ETS1: variants seen among roughly 807,000 people sequenced by gnomAD.
The protein encoded by ETS1 is ETS proto-oncogene 1, transcription factor.
A neutral mutation model predicts 58.6 loss-of-function variants in ETS1; 15 were observed. The ratio of observed to expected loss-of-function variants is 0.26; its 90% CI spans 0.17 to 0.39. The LOEUF is 0.39. ETS1 is among the 10% of genes least tolerant of loss of function. ETS1 has a pLI of 1.00. For synonymous variants in ETS1, 214 were observed against 218.2 expected, an observed-to-expected ratio of 0.98 and a Z score of 0.17; for missense variants, 417 against 610.5, an observed-to-expected ratio of 0.68 and a Z score of 3.34.
At chr11:128,560,653 G>C (rs904628052) in intron 2 of ETS1, among the ~76,000 whole-genome samples, 65 of 152,342 alleles carry the variant, frequency 4.3e-4, no homozygotes, top group African/African-American at 1.5e-3. Flanking sequence ...GGTGGTTACT[G>C]TTCCATAATA....
chr11:128,575,170 A>G (rs1243546676), intron 1 of ETS1, among the ~76,000 whole-genome samples: 2 of 152,206 alleles, frequency 1.3e-5, no homozygotes, highest in African/African-American at 4.8e-5. Flanking sequence ...CATACATACT[A>G]TGTGTTTTCC....
rs1861952865 is a variant in ETS1, at chr11:128,463,371, C to T, written c.1242+138G>A. The T allele has an allele frequency of 2.8e-5, 18 of 650,756 alleles. No homozygotes were observed. The South Asian group carries it at 2.9e-4, about 10-fold the overall frequency. The allele number at this position is 650,756 out of a possible 1,614,324, so 40.3% of individuals were successfully genotyped here. On this transcript the variant is annotated intron_variant, in intron 9 of 9. Transcript: ENST00000392668. The surrounding 1 kb of genome is among the most constrained non-coding windows in gnomAD (Gnocchi z 4.1). ...ATGAACCTGGAGCTCAGACAGGCTA[C>T]CTAGCTTGCTCCGGGTGGCAAGTGG... is the stretch of plus-strand genomic sequence containing the variant.
intron 3 of ETS1, among the ~76,000 whole-genome samples, chr11:128,530,994 T>A (rs1446418698): frequency 6.6e-6 from 1 of 152,150 alleles, no homozygotes; most frequent in Middle Eastern, 3.2e-3. Flanking sequence ...AACTGAGGTG[T>A]GGAGGTAAAA....
chr11:128,467,755 T>C (rs151121147), intron 8 of ETS1, among the ~76,000 whole-genome samples: 1 of 151,796 alleles, frequency 6.6e-6, no homozygotes, highest in Non-Finnish European at 1.5e-5. Flanking sequence ...TGCCCGGGAG[T>C]GTCACACATC....
rs983778622 is a variant in ETS1, at chr11:128,459,211, T to C, written c.*3150A>G. The C allele has an allele frequency of 1.3e-5, 2 of 150,920 alleles. No homozygotes were observed. The highest frequency in any genetic ancestry group is 4.9e-5 in the African/African-American group (2 of 41,228). 9.3% of individuals were successfully genotyped at this position (150,920 alleles called of 1,614,324 possible). A position where few individuals can be genotyped will look rare whatever the true frequency, so the allele number is the denominator to read the frequency against. On this transcript the variant is annotated 3_prime_UTR_variant, in exon 10 of 10. Transcript: ENST00000392668. ...TTTTAATATATATATTTTATATATGTATATGTATACATATATTTATGGTTC... is the reference window on the plus strand; with the variant it reads ...TTTTAATATATATATTTTATATATGCATATGTATACATATATTTATGGTTC...
At position 128,549,232 on chromosome 11, in the gene ETS1, G is replaced by C. The variant is rs1420252520; in HGVS notation, c.214+7059C>G. Among the ~76,000 whole-genome samples, 1 of 151,992 alleles carries C rather than the reference G, an allele frequency of 6.6e-6. No homozygotes were observed. The highest frequency in any genetic ancestry group is 2.4e-5 in the African/African-American group (1 of 41,324). On this transcript the variant is annotated intron_variant, in intron 3 of 9. Coordinates refer to ENST00000392668, the MANE Select transcript of ETS1 (RefSeq NM_001143820.2). This position sits in a 1 kb window ranked among gnomAD's most constrained non-coding sequence, Gnocchi z 4.3. ...CACTACAGGCTGTCCCTGCGGCGCA[G>C]CCCGCCCCCACCCTCCACTCTCACG... is the stretch of plus-strand genomic sequence containing the variant.
chr11:128,514,694 A>G (rs1380068682), intron 3 of ETS1, among the ~76,000 whole-genome samples: 2 of 152,182 alleles, frequency 1.3e-5, no homozygotes, highest in African/African-American at 4.8e-5. Flanking sequence ...CCTGGAACCC[A>G]GGGAAGACTT....
At chr11:128,520,373 G>A (rs1403514022) in intron 3 of ETS1, among the ~76,000 whole-genome samples, 4 of 152,140 alleles carry the variant, frequency 2.6e-5, no homozygotes, top group Admixed American at 2.6e-4. Context: ...TTTCCCAGAT[G>A]ACCAAATCTG....
intron 1 of ETS1, among the ~76,000 whole-genome samples, chr11:128,579,930 A>G (rs866949423): frequency 6.6e-6 from 1 of 150,874 alleles, no homozygotes; most frequent in East Asian, 1.9e-4. Context: ...ATGCCCCTCC[A>G]TGGGATTTAC....
Position 128,486,107 on chromosome 11 carries a change from G to A in ETS1, c.575C>T (p.Ala192Val). Residue 192 changes from alanine to valine, a missense_variant, in exon 6 of 10, where the codon GCC becomes GTC. Around this residue, in one of 4 missense-constraint regions of ETS1, gnomAD observed 132 missense variants for 212.1 expected, o/e 0.62. Transcript: ENST00000392668. Reference protein sequence around the residue: ...KPYQVNGVNPAYPESRYTSDY... With the variant: ...KPYQVNGVNPVYPESRYTSDY... ...CGAGGTATAGCGGGATTCTGGATAG[G>A]CTGGGTTGACTCCATTAACTTGATA... 6.2e-7 allele frequency: 1 copy of A among 1,611,714 alleles called. No individual in the cohort carries two copies. Among genetic ancestry groups the A allele is most frequent in the South Asian group, 1.1e-5 (1 of 90,998 alleles).
At position 128,584,524 on chromosome 11, in the gene ETS1, A is replaced by G. The variant is rs577823569; in HGVS notation, c.-15+2964T>C. On this transcript the variant is annotated intron_variant, in intron 1 of 9. Coordinates refer to ENST00000392668, the MANE Select transcript of ETS1 (RefSeq NM_001143820.2). ...TAGATTAAATGAAGCAGTCCCTGCA[A>G]AGCACCTAGCAAGGATGTTGGAACA... 1.4e-4 allele frequency among the ~76,000 whole-genome samples: 22 copies of G among 152,326 alleles called. No homozygotes were observed. The South Asian group carries it at 2.7e-3, about 19-fold the overall frequency.
In ETS1 at chr11:128,464,577, T is replaced by G. The variant is rs981605035; in HGVS notation, c.1124-950A>C. 3.3e-5 allele frequency among the ~76,000 whole-genome samples: 5 copies of G among 152,192 alleles called. No homozygotes were observed. The East Asian group carries it at 9.6e-4, about 29-fold the overall frequency. On this transcript the variant is annotated intron_variant, in intron 8 of 9. Coordinates refer to ENST00000392668, the MANE Select transcript of ETS1 (RefSeq NM_001143820.2). This position sits in a 1 kb window ranked among gnomAD's most constrained non-coding sequence, Gnocchi z 4.1. ...GGGTTCAAAAGTCCATGCTTCTTGT[T>G]ACACTGCCCCTTATAACATAAACAA...
rs1565421210 is a variant in ETS1 at position 128,585,048 on chromosome 11, GA to G, written c.-15+2439del. On this transcript the variant is annotated intron_variant, in intron 1 of 9. Transcript: ENST00000392668. ...GAAAGAAAGAAAAGAAAGAAAGAAA[GA>G]AAGAAAGAAAGAAAGAAAGAAAGAA... Among the ~76,000 whole-genome samples, 71 of 19,518 alleles carry G rather than the reference GA, an allele frequency of 3.6e-3. 9 individuals carry two copies. Among genetic ancestry groups the G allele is most frequent in the African/African-American group, 0.026 (54 of 2,040 alleles). 12.8% of individuals were successfully genotyped at this position (19,518 alleles called of 152,430 possible). A position where few individuals can be genotyped will look rare whatever the true frequency, so the allele number is the denominator to read the frequency against.
chr11:128,524,028 G>C (rs962364241), intron 3 of ETS1, among the ~76,000 whole-genome samples: 1 of 152,128 alleles, frequency 6.6e-6, no homozygotes, highest in Non-Finnish European at 1.5e-5. Context: ...TGTTGATGTT[G>C]TATTGAGAAA....
intron 3 of ETS1, among the ~76,000 whole-genome samples, chr11:128,546,805 T>G (rs1365778921): frequency 6.6e-6 from 1 of 152,168 alleles, no homozygotes; most frequent in African/African-American, 2.4e-5. Context: ...TTTCTACATC[T>G]TTTCTTCCCT....
At chr11:128,585,221 A>G (rs948374929) in intron 1 of ETS1, among the ~76,000 whole-genome samples, 9 of 146,428 alleles carry the variant, frequency 6.1e-5, no homozygotes, top group East Asian at 4.0e-4. Context: ...AAAGAAAGAA[A>G]GAAAGAAAGA....
intron 3 of ETS1, among the ~76,000 whole-genome samples, chr11:128,531,498 T>C (rs955592908): frequency 2.6e-5 from 4 of 152,222 alleles, no homozygotes; most frequent in Non-Finnish European, 4.4e-5. Context: ...GAGGACACAG[T>C]GTCCTATCTT....
chr11:128,564,212 C>G (rs2135566531), intron 2 of ETS1, among the ~76,000 whole-genome samples: 1 of 152,286 alleles, frequency 6.6e-6, no homozygotes, highest in South Asian at 2.1e-4. Flanking sequence ...GTTTGCTGAT[C>G]AAGCCTGAGG....
intron 3 of ETS1, among the ~76,000 whole-genome samples, chr11:128,517,261 C>A (rs1178306551): frequency 6.6e-6 from 1 of 152,186 alleles, no homozygotes; most frequent in Non-Finnish European, 1.5e-5. Context: ...AAAGCACCGA[C>A]CAGCATTGCC....
Sources: gnomAD v4.1 joint callset for allele counts (sites outside exome capture counted in the v4.1 genomes callset) on GRCh38, gnomAD v4.1.1 for gene constraint, gnomAD v4.1.1 regional missense constraint, Gnocchi (gnomAD v3.1) non-coding constraint, MANE v1.5 for transcripts, NCBI Gene and HGNC (gene_info 2026-07-23, HGNC 2026-07-21) for gene names.